The following EPHA5 variants were observed in gnomAD, a reference collection of about 807,000 sequenced individuals.
The protein encoded by EPHA5 is ephrin type-A receptor 5.
EPHA5 carries 60 observed loss-of-function variants against 105.0 expected under a neutral mutation model. The ratio of observed to expected loss-of-function variants is 0.57; its 90% CI spans 0.46 to 0.71. The LOEUF is 0.71. Ranked by LOEUF, EPHA5 falls within the 30% of genes least tolerant of loss-of-function variation. The pLI, the probability that EPHA5 is intolerant of heterozygous loss-of-function variation, is 0.00. For missense variants in EPHA5, 1,218 were observed against 1,274.7 expected, an observed-to-expected ratio of 0.96 and a Z score of 0.68; for synonymous variants, 513 against 449.1, an observed-to-expected ratio of 1.14 and a Z score of -1.80.
At chr4:65,476,125 A>AAAGT (rs1553922804) in intron 5 of EPHA5, among the ~76,000 whole-genome samples, 1 of 132,252 alleles carries the variant, frequency 7.6e-6, no homozygotes, top group African/African-American at 2.9e-5. Context: ...AGAGAGAGAG[A>AAAGT]GAGTGTGTGT....
intron 5 of EPHA5, among the ~76,000 whole-genome samples, chr4:65,428,783 A>C (rs1033000301): frequency 2.0e-5 from 3 of 152,128 alleles, no homozygotes; most frequent in African/African-American, 4.8e-5. Context: ...GTGTGATTAC[A>C]GTTCATAGTT....
chr4:65,605,980 A>G lies in EPHA5; in HGVS notation c.247-3676T>C, dbSNP rs1012940315. On this transcript the variant is annotated intron_variant, in intron 2 of 16. Coordinates refer to ENST00000613740, the MANE Select transcript of EPHA5 (RefSeq NM_001281766.3). ...AAATTGAAGACCAGACCAAAAAAAA[A>G]GGATTTACTCAAGTTCACACAAGAC... Among the ~76,000 whole-genome samples the G allele has an allele frequency of 1.2e-3, 179 of 152,130 alleles. 1 individual carries two copies. Among genetic ancestry groups the G allele is most frequent in the Non-Finnish European group, 1.6e-3 (112 of 68,020 alleles).
chr4:65,377,110 C>T (rs1719089651), intron 8 of EPHA5: 1 of 1,559,554 alleles, frequency 6.4e-7, no homozygotes, highest in East Asian at 2.3e-5. Flanking sequence ...GATCCCACTC[C>T]CTCAAATATA....
At chr4:65,568,169 T>C (rs574909673) in intron 3 of EPHA5, among the ~76,000 whole-genome samples, 1 of 151,636 alleles carries the variant, frequency 6.6e-6, no homozygotes, top group East Asian at 1.9e-4. Context: ...ATGACAACTA[T>C]ATTTTTCAAA....
intron 10 of EPHA5, among the ~76,000 whole-genome samples, chr4:65,365,689 AG>A (rs1717833746): frequency 7.1e-4 from 67 of 93,770 alleles, no homozygotes; most frequent in Non-Finnish European, 1.4e-3. Context: ...ATATATATAT[AG>A]TGAAACATTA....
chr4:65,656,955 T>G (rs916585315), intron 1 of EPHA5, among the ~76,000 whole-genome samples: 13 of 112,406 alleles, frequency 1.2e-4, no homozygotes, highest in South Asian at 3.1e-4. Flanking sequence ...GTGTGTGTGT[T>G]TTTTTTTTTT....
At chr4:65,401,030 ATGTG>A (rs35494344) in intron 8 of EPHA5, among the ~76,000 whole-genome samples, 2 of 150,282 alleles carry the variant, frequency 1.3e-5, no homozygotes, top group African/African-American at 4.9e-5. Flanking sequence ...GATGGTAGTC[ATGTG>A]TGTGTGTGTG....
intron 3 of EPHA5, among the ~76,000 whole-genome samples, chr4:65,504,245 T>C (rs1420337269): frequency 6.6e-6 from 1 of 151,226 alleles, no homozygotes; most frequent in Non-Finnish European, 1.5e-5. Flanking sequence ...AATGGCAAAA[T>C]ACTTTTAAAT....
intron 5 of EPHA5, among the ~76,000 whole-genome samples, chr4:65,469,263 T>C (rs985942608): frequency 2.6e-5 from 4 of 152,140 alleles, no homozygotes; most frequent in Non-Finnish European, 5.9e-5. Context: ...AATGATAAAA[T>C]ATATTCTCTG....
intron 8 of EPHA5, among the ~76,000 whole-genome samples, chr4:65,398,864 A>G (rs1377535036): frequency 1.3e-5 from 2 of 152,162 alleles, no homozygotes; most frequent in Non-Finnish European, 2.9e-5. Context: ...CCTTAAAGCT[A>G]TACTGTTACT....
intron 7 of EPHA5, among the ~76,000 whole-genome samples, chr4:65,413,295 C>G (rs62297995): frequency 0.16 from 24,076 of 151,886 alleles, 1,977 homozygotes; most frequent in Middle Eastern, 0.26. Flanking sequence ...GCACCCTTTT[C>G]TTTATAAAAT....
intron 2 of EPHA5, among the ~76,000 whole-genome samples, chr4:65,606,979 C>T (rs1413954877): frequency 6.6e-6 from 1 of 152,138 alleles, no homozygotes. Context: ...GTTCTTCACA[C>T]TTTGAGTCAC....
chr4:65,396,629 C>T lies in EPHA5; in HGVS notation c.1793+7745G>A, dbSNP rs78213966. ...TCATGTGTGTATACTGGAAGGGTTA[C>T]GAAGGACTAGGACTAAGCCTTTCAA... On this transcript the variant is annotated intron_variant, in intron 8 of 16. Transcript: ENST00000613740. 4.8e-3 allele frequency among the ~76,000 whole-genome samples: 732 copies of T among 152,166 alleles called. 8 individuals are homozygous for T. Among genetic ancestry groups the T allele is most frequent in the African/African-American group, 0.017 (694 of 41,530 alleles).
At chr4:65,518,127 A>G (rs1734285629) in intron 3 of EPHA5, among the ~76,000 whole-genome samples, 1 of 151,892 alleles carries the variant, frequency 6.6e-6, no homozygotes, top group Admixed American at 6.6e-5. Flanking sequence ...TAATTATTTC[A>G]CCTTTGAAAA....
At chr4:65,465,528 A>AAAGAAAGG (rs757529518) in intron 5 of EPHA5, among the ~76,000 whole-genome samples, 2 of 76,380 alleles carry the variant, frequency 2.6e-5, no homozygotes, top group East Asian at 9.9e-4. Context: ...AGAAAGAAAG[A>AAAGAAAGG]AAAGAAAGGA....
chr4:65,464,407 GA>G (rs1728418718), intron 5 of EPHA5, among the ~76,000 whole-genome samples: 1 of 152,020 alleles, frequency 6.6e-6, no homozygotes. Context: ...ACACAAAGGA[GA>G]AGCAGGCACT....
At chr4:65,666,831 G>A (rs1181484425) in intron 1 of EPHA5, among the ~76,000 whole-genome samples, 3 of 152,054 alleles carry the variant, frequency 2.0e-5, no homozygotes, top group African/African-American at 7.2e-5. Context: ...CCAGATATAT[G>A]TTTGGCTTTT....
chr4:65,465,595 G>A (rs1728639985), intron 5 of EPHA5, among the ~76,000 whole-genome samples: 1 of 126,646 alleles, frequency 7.9e-6, no homozygotes, highest in Middle Eastern at 5.2e-3. Context: ...AGGAAAGAAA[G>A]GAAGGAAAGG....
chr4:65,582,174 A>G (rs927502988), intron 3 of EPHA5, among the ~76,000 whole-genome samples: 13 of 151,734 alleles, frequency 8.6e-5, no homozygotes, highest in East Asian at 3.9e-4. Context: ...TAATAACTTG[A>G]AACCAGGACT....
Sources: allele counts gnomAD v4.1 joint callset (sites outside exome capture counted in the v4.1 genomes callset), GRCh38; gene constraint gnomAD v4.1.1; transcripts MANE v1.5; gene names NCBI Gene and HGNC (gene_info 2026-07-23, HGNC 2026-07-21).